LRRC3B: variants seen among roughly 807,000 people sequenced by gnomAD.
LRRC3B encodes the protein leucine rich repeat containing 3B.
LRRC3B carries 2 observed loss-of-function variants against 12.8 expected under a neutral mutation model. That is an observed-to-expected ratio of 0.16 (90% CI 0.06 to 0.49). LRRC3B has a LOEUF of 0.49. Among genes scored for constraint, LRRC3B ranks in the 20% least tolerant of loss-of-function variants. LRRC3B has a pLI of 0.96. For missense variants in LRRC3B, 189 were observed against 319.4 expected, an observed-to-expected ratio of 0.59 and a Z score of 3.11; for synonymous variants, 132 against 122.0, an observed-to-expected ratio of 1.08 and a Z score of -0.54.
At chr3:26,637,639 G>A (rs1438795509) in intron 1 of LRRC3B, among the ~76,000 whole-genome samples, 3 of 152,206 alleles carry the variant, frequency 2.0e-5, no homozygotes, top group Non-Finnish European at 2.9e-5. Flanking sequence ...GTCATGGGAT[G>A]CCTAGAGCAG....
At chr3:26,680,919 T>C (rs755642788) in intron 1 of LRRC3B, among the ~76,000 whole-genome samples, 1 of 152,204 alleles carries the variant, frequency 6.6e-6, no homozygotes, top group Non-Finnish European at 1.5e-5. Flanking sequence ...TTATTAATCA[T>C]AGAATTTAGT....
chr3:26,668,005 C>T (rs1477281658), intron 1 of LRRC3B, among the ~76,000 whole-genome samples: 1 of 151,412 alleles, frequency 6.6e-6, no homozygotes, highest in East Asian at 1.9e-4. Flanking sequence ...TGTTTTGAAC[C>T]TGCCATTAAT....
intron 1 of LRRC3B, among the ~76,000 whole-genome samples, chr3:26,687,815 A>G (rs1307653100): frequency 6.6e-6 from 1 of 152,234 alleles, no homozygotes; most frequent in Non-Finnish European, 1.5e-5. Flanking sequence ...GAGGAGACAG[A>G]TGGAATGGGA....
intron 1 of LRRC3B, among the ~76,000 whole-genome samples, chr3:26,632,456 T>TA (rs1698776966): frequency 6.6e-6 from 1 of 152,082 alleles, no homozygotes; most frequent in African/African-American, 2.4e-5. Flanking sequence ...CAAATCTAGT[T>TA]TATCAGAAAG....
At chr3:26,688,934 T>G (rs1374313357) in intron 1 of LRRC3B, among the ~76,000 whole-genome samples, 1 of 152,178 alleles carries the variant, frequency 6.6e-6, no homozygotes, top group Non-Finnish European at 1.5e-5. Flanking sequence ...CAGATGTGCC[T>G]AGATTCCCAA....
At chr3:26,659,542 T>C (rs1338611823) in intron 1 of LRRC3B, among the ~76,000 whole-genome samples, 3 of 152,216 alleles carry the variant, frequency 2.0e-5, no homozygotes, top group African/African-American at 7.2e-5. Context: ...AACTCATAAA[T>C]AGTGGCATTT....
chr3:26,655,302 T>C (rs915240996), intron 1 of LRRC3B, among the ~76,000 whole-genome samples: 1 of 152,218 alleles, frequency 6.6e-6, no homozygotes, highest in African/African-American at 2.4e-5. Flanking sequence ...ATTATGACCC[T>C]ATCATTAAAG....
chr3:26,640,867 T>C (rs184477498), intron 1 of LRRC3B, among the ~76,000 whole-genome samples: 49 of 152,290 alleles, frequency 3.2e-4, no homozygotes, highest in Middle Eastern at 3.4e-3. Context: ...AAAGGTCAAA[T>C]TGGTGTTCTC....
At chr3:26,707,428 T>G (rs1453156134) in intron 1 of LRRC3B, among the ~76,000 whole-genome samples, 2 of 152,090 alleles carry the variant, frequency 1.3e-5, no homozygotes, top group Non-Finnish European at 2.9e-5. Context: ...TACTTTTTAT[T>G]TTTTTAATTG....
At chr3:26,685,175 A>G (rs995379883) in intron 1 of LRRC3B, among the ~76,000 whole-genome samples, 1 of 151,732 alleles carries the variant, frequency 6.6e-6, no homozygotes, top group Non-Finnish European at 1.5e-5. Context: ...CTGGTCTCGA[A>G]CTCCCGACCT....
chr3:26,625,900 T>C (rs903063551), intron 1 of LRRC3B, among the ~76,000 whole-genome samples: 10 of 152,246 alleles, frequency 6.6e-5, no homozygotes, highest in Non-Finnish European at 1.3e-4. Context: ...AAACCCAGTA[T>C]TGAAGAATTC....
rs528875747 is a variant in LRRC3B, at chr3:26,631,458, G to C, written c.-161+8221G>C. 1.1e-3 allele frequency among the ~76,000 whole-genome samples: 170 copies of C among 152,266 alleles called. 1 individual carries two copies. Among genetic ancestry groups the C allele is most frequent in the African/African-American group, 3.4e-3 (142 of 41,546 alleles). On this transcript the variant is annotated intron_variant, in intron 1 of 1. Transcript: ENST00000396641. ...ACAGGCAGGTAGATGGAGAACCATG[G>C]GAAAAGGTCAGGATCTGAAGAATTT...
At chr3:26,710,462 T>C (rs377722549) in exon 2 of LRRC3B, 9 of 1,548,726 alleles carry the variant, frequency 5.8e-6, no homozygotes, top group South Asian at 1.2e-5. Flanking sequence ...GTGTCCAAAC[T>C]GACTGTCATT....
chr3:26,710,451 A>C, exon 2 of LRRC3B: 2 of 1,585,400 alleles, frequency 1.3e-6, no homozygotes, highest in Non-Finnish European at 1.7e-6. Flanking sequence ...ACTGTGGTAT[A>C]GTGTCCAAAC....
intron 1 of LRRC3B, among the ~76,000 whole-genome samples, chr3:26,639,216 A>G (rs58835790): frequency 0.028 from 4,214 of 152,316 alleles, 229 homozygotes; most frequent in African/African-American, 0.097. Flanking sequence ...AGTTAATTTC[A>G]GTAATATACT....
At chr3:26,693,657 C>T (rs1001858842) in intron 1 of LRRC3B, among the ~76,000 whole-genome samples, 2 of 152,074 alleles carry the variant, frequency 1.3e-5, no homozygotes, top group African/African-American at 4.8e-5. Flanking sequence ...AAGCAACATG[C>T]CCTAAAAATC....
intron 1 of LRRC3B, among the ~76,000 whole-genome samples, chr3:26,702,605 T>C (rs1700483770): frequency 6.6e-6 from 1 of 152,170 alleles, no homozygotes; most frequent in African/African-American, 2.4e-5. Context: ...GAGATACAAC[T>C]GTAAAAGGAG....
chr3:26,656,935 T>TC (rs1699384509), intron 1 of LRRC3B, among the ~76,000 whole-genome samples: 1 of 152,214 alleles, frequency 6.6e-6, no homozygotes, highest in African/African-American at 2.4e-5. Context: ...AAGTTCAGAT[T>TC]CTTTTTTCTG....
At chr3:26,686,145 T>C (rs1291046692) in intron 1 of LRRC3B, among the ~76,000 whole-genome samples, 1 of 152,070 alleles carries the variant, frequency 6.6e-6, no homozygotes, top group African/African-American at 2.4e-5. Flanking sequence ...AGTGGTGCAA[T>C]TGTGGCTCAC....
Sources: gnomAD v4.1 joint callset for allele counts (sites outside exome capture counted in the v4.1 genomes callset) on GRCh38, gnomAD v4.1.1 for gene constraint, MANE v1.5 for transcripts, NCBI Gene and HGNC (gene_info 2026-07-23, HGNC 2026-07-21) for gene names.